Variants in CDH18 observed in about 807,000 individuals in gnomAD.
The protein encoded by CDH18 is cadherin 18.
CDH18 carries 31 observed loss-of-function variants against 67.9 expected under a neutral mutation model. The ratio of observed to expected loss-of-function variants is 0.46; its 90% CI spans 0.34 to 0.62. The LOEUF is 0.62. CDH18 is among the 20% of genes least tolerant of loss of function. The pLI is 0.01. For missense variants in CDH18, 890 were observed against 975.5 expected (o/e 0.91, Z 1.17); for synonymous variants, 362 against 347.2 (o/e 1.04, Z -0.48).
intron 1 of CDH18, among the ~76,000 whole-genome samples, chr5:20,368,820 A>T (rs557469681): frequency 6.6e-6 from 1 of 152,256 alleles, no homozygotes; most frequent in East Asian, 1.9e-4. Flanking sequence ...TCATAAATTC[A>T]TTGCCCTCCA....
chr5:20,488,625 G>T (rs942465896), intron 1 of CDH18, among the ~76,000 whole-genome samples: 1 of 149,732 alleles, frequency 6.7e-6, no homozygotes, highest in Non-Finnish European at 1.5e-5. Flanking sequence ...CCTTGGTAAC[G>T]ATAATGTAGG....
chr5:20,275,549 C>A (rs1191921403), intron 1 of CDH18, among the ~76,000 whole-genome samples: 2 of 152,136 alleles, frequency 1.3e-5, no homozygotes, highest in Non-Finnish European at 2.9e-5. Context: ...ATCACACAAG[C>A]AATGCTTTAT....
chr5:20,418,112 T>A (rs1560981832), intron 1 of CDH18, among the ~76,000 whole-genome samples: 2 of 151,950 alleles, frequency 1.3e-5, no homozygotes, highest in Non-Finnish European at 2.9e-5. Context: ...CTTGCTGTTG[T>A]CGGCCGGGGC....
chr5:19,832,316 A>G (rs908768684), intron 3 of CDH18, among the ~76,000 whole-genome samples: 2 of 152,142 alleles, frequency 1.3e-5, no homozygotes, highest in Non-Finnish European at 2.9e-5. Flanking sequence ...ATATAACTAT[A>G]GATACAAAAA....
At chr5:19,480,531 C>T (rs1048172568) in intron 12 of CDH18, among the ~76,000 whole-genome samples, 9 of 151,848 alleles carry the variant, frequency 5.9e-5, no homozygotes, top group Admixed American at 2.0e-4. Context: ...GCGCCCGCCA[C>T]CAAGCCCGAC....
At chr5:20,255,781 T>C (rs1450835449) in intron 1 of CDH18, among the ~76,000 whole-genome samples, 2 of 152,070 alleles carry the variant, frequency 1.3e-5, no homozygotes, top group African/African-American at 2.4e-5. Flanking sequence ...GACCTTGGTA[T>C]GTCACGACAT....
chr5:20,425,176 A>G (rs1748195670), intron 1 of CDH18, among the ~76,000 whole-genome samples: 1 of 150,670 alleles, frequency 6.6e-6, no homozygotes, highest in Non-Finnish European at 1.5e-5. Context: ...GTCCAGCCTG[A>G]CCAACATGGT....
At chr5:20,253,875 TA>T (rs1334122972) in intron 2 of CDH18, among the ~76,000 whole-genome samples, 2 of 152,126 alleles carry the variant, frequency 1.3e-5, no homozygotes, top group African/African-American at 4.8e-5. Flanking sequence ...GGTTGACATG[TA>T]AATCCAACAA....
intron 2 of CDH18, among the ~76,000 whole-genome samples, chr5:20,011,691 T>C (rs1179362462): frequency 6.6e-6 from 1 of 152,154 alleles, no homozygotes; most frequent in Non-Finnish European, 1.5e-5. Context: ...TCAAAGCCCT[T>C]TTCTACATCT....
intron 2 of CDH18, among the ~76,000 whole-genome samples, chr5:19,907,169 A>G (rs775697478): frequency 6.6e-6 from 1 of 151,998 alleles, no homozygotes; most frequent in Non-Finnish European, 1.5e-5. Flanking sequence ...AGACATTGCC[A>G]TATAAAAAAA....
intron 3 of CDH18, among the ~76,000 whole-genome samples, chr5:19,788,481 T>C (rs1776041496): frequency 1.3e-5 from 2 of 152,168 alleles, no homozygotes; most frequent in Admixed American, 6.5e-5. Flanking sequence ...TCTGGGCTAG[T>C]TGCATATTTC....
chr5:20,473,087 G>A (rs184211189), intron 1 of CDH18, among the ~76,000 whole-genome samples: 1 of 152,070 alleles, frequency 6.6e-6, no homozygotes, highest in African/African-American at 2.4e-5. Context: ...AATGTACTAA[G>A]TAGTTTTCTT....
At chr5:20,199,842 C>G (rs1036726578) in intron 2 of CDH18, among the ~76,000 whole-genome samples, 2 of 152,106 alleles carry the variant, frequency 1.3e-5, no homozygotes, top group Non-Finnish European at 2.9e-5. Context: ...CGAGATCTGA[C>G]GGTTTAATAA....
chr5:19,828,501 G>C (rs1046148332), intron 3 of CDH18, among the ~76,000 whole-genome samples: 4 of 152,016 alleles, frequency 2.6e-5, no homozygotes, highest in Non-Finnish European at 5.9e-5. Context: ...AAAAATACTA[G>C]CAAACCAAAT....
At chr5:20,512,638 CT>C (rs1438384020) in intron 1 of CDH18, among the ~76,000 whole-genome samples, 1 of 152,036 alleles carries the variant, frequency 6.6e-6, no homozygotes, top group Non-Finnish European at 1.5e-5. Flanking sequence ...AATCCCAACA[CT>C]TTGGGAGGCT....
chr5:20,475,954 A>C (rs2150247108), intron 1 of CDH18, among the ~76,000 whole-genome samples: 1 of 152,340 alleles, frequency 6.6e-6, no homozygotes, highest in Non-Finnish European at 1.5e-5. Flanking sequence ...TTGTCACAAT[A>C]GTTTCAGGAG....
chr5:19,549,668 G>C (rs1231140226), intron 8 of CDH18, among the ~76,000 whole-genome samples: 1 of 134,870 alleles, frequency 7.4e-6, no homozygotes, highest in African/African-American at 2.7e-5. Context: ...GGAAGGGAGG[G>C]AGGGAGGGAA....
chr5:19,919,776 G>A (rs186109461), intron 2 of CDH18, among the ~76,000 whole-genome samples: 12 of 152,166 alleles, frequency 7.9e-5, no homozygotes, highest in Admixed American at 2.6e-4. Flanking sequence ...AACAAATAAT[G>A]GTGATAATAT....
intron 2 of CDH18, among the ~76,000 whole-genome samples, chr5:20,018,840 G>T (rs1738131638): frequency 7.0e-6 from 1 of 141,996 alleles, no homozygotes; most frequent in African/African-American, 2.7e-5. Flanking sequence ...TGTCGCCCAG[G>T]CTGGAGTGCA....
Sources: allele counts gnomAD v4.1 joint callset (sites outside exome capture counted in the v4.1 genomes callset), GRCh38; gene constraint gnomAD v4.1.1; transcripts MANE v1.5; gene names NCBI Gene and HGNC (gene_info 2026-07-23, HGNC 2026-07-21).